Variants in PCDHA9 observed in about 807,000 individuals in gnomAD.
PCDHA9 encodes the protein protocadherin alpha 9.
A neutral mutation model predicts 62.0 loss-of-function variants in PCDHA9; 62 were observed. The observed-to-expected ratio is 1.00, with a 90% CI of 0.81 to 1.23. The LOEUF (loss-of-function observed/expected upper bound fraction) is 1.23, where lower values mean the gene tolerates loss of function less well. Ranked by LOEUF, PCDHA9 falls within the 50% of genes most tolerant of loss-of-function variation. The probability of loss-of-function intolerance (pLI) is 0.00; values close to 1 mark genes in which losing one functional copy is unlikely to be tolerated. For synonymous variants in PCDHA9, 557 were observed against 567.6 expected (o/e 0.98, Z 0.27); for missense variants, 1,205 against 1,249.8 (o/e 0.96, Z 0.54).
At chr5:140,987,227 A>T (rs1410526870) in intron 3 of PCDHA9, among the ~76,000 whole-genome samples, 2 of 151,696 alleles carry the variant, frequency 1.3e-5, no homozygotes, top group African/African-American at 4.8e-5. Context: ...AAAAAAAAAA[A>T]TAATAAATAA....
At chr5:140,888,048 A>G (rs534072281) in intron 1 of PCDHA9, among the ~76,000 whole-genome samples, 40 of 152,296 alleles carry the variant, frequency 2.6e-4, no homozygotes, top group African/African-American at 9.4e-4. Context: ...TGTATAATAG[A>G]TGTTTTAACT....
In PCDHA9 at chr5:140,982,645, G is replaced by A. The variant is rs2096993238; in HGVS notation, c.2542+82G>A. 3.3e-6 allele frequency: 5 copies of A among 1,522,444 alleles called. No homozygotes were observed. In the East Asian group the frequency reaches 1.2e-4, roughly 36 times the overall value. 94.3% of individuals were successfully genotyped at this position (1,522,444 alleles called of 1,614,324 possible). A position where few individuals can be genotyped will look rare whatever the true frequency, so the allele number is the denominator to read the frequency against. On this transcript the variant is annotated intron_variant, in intron 3 of 3. Transcript: ENST00000532602. ...CTACTTTTGTAAGATCAGGAATGTT[G>A]ATGGCTCTTTTTCTTTTATATTTTT...
rs186566632 is a variant in PCDHA9, at chr5:140,947,652, T to C, written c.2395-31297T>C. 6.7e-3 allele frequency among the ~76,000 whole-genome samples: 1,010 copies of C among 151,752 alleles called. 2 individuals are homozygous for C. Among genetic ancestry groups the C allele is most frequent in the Non-Finnish European group, 0.01 (702 of 67,572 alleles). On this transcript the variant is annotated intron_variant, in intron 1 of 3. Transcript: ENST00000532602. ...ATCAGATCGTATGAACATATATACCTCCATTTACTTGGGTCTTTAAAAAAT... is the reference window on the plus strand; with the variant it reads ...ATCAGATCGTATGAACATATATACCCCCATTTACTTGGGTCTTTAAAAAAT...
chr5:140,988,156 C>A (rs546335543), intron 3 of PCDHA9, among the ~76,000 whole-genome samples: 1 of 152,054 alleles, frequency 6.6e-6, no homozygotes, highest in Non-Finnish European at 1.5e-5. Flanking sequence ...CAACTTCTGC[C>A]GTTGTCATAG....
chr5:140,870,493 AAGG>A, intron 1 of PCDHA9: 1 of 1,614,214 alleles, frequency 6.2e-7, no homozygotes, highest in Non-Finnish European at 8.5e-7. Context: ...CGTGTTCGTG[AAGG>A]AGAACAACCC....
rs2040496179 is a variant in PCDHA9, at chr5:140,848,601, CCG to C, written c.107_108del (p.Pro36ArgfsTer91). 1 of 1,593,502 alleles carries C rather than the reference CCG, an allele frequency of 6.3e-7. No homozygotes were observed. The highest frequency in any genetic ancestry group is 8.6e-7 in the Non-Finnish European group (1 of 1,163,996). On this transcript the variant is annotated frameshift_variant, in exon 1 of 4. Coordinates refer to ENST00000532602, the MANE Select transcript of PCDHA9 (RefSeq NM_031857.2). LOFTEE classifies it high-confidence loss of function. ...VGSGQLHYSV[P>X]EEAEHGTFVG... ...GAGCGGCCAGCTCCACTACTCCGTC[CCG>C]GAGGAAGCCGAACACGGCACCTTCG...
rs2150489798 is a variant in PCDHA9, at chr5:140,850,571, G to T, written c.2076G>T (p.Thr692=). 5 of 1,598,430 alleles carry T rather than the reference G, an allele frequency of 3.1e-6. No individual in the cohort carries two copies. In the East Asian group the frequency reaches 1.1e-4, roughly 36 times the overall value. ...TGGGTGCCACGGGCCCCGAGGTGAC[G>T]CTGGTGGATGTCAACGTGTACCTGA... The part of the protein sequence containing the change: ...ASVGATGPEV[T]LVDVNVYLII... The change falls in exon 1 of 4, where the codon ACG becomes ACT. Residue 692 remains threonine, a synonymous_variant. Coordinates refer to ENST00000532602, the MANE Select transcript of PCDHA9 (RefSeq NM_031857.2).
In PCDHA9 at chr5:141,009,994, C is replaced by T; in HGVS notation, c.*57C>T. 1.3e-6 allele frequency: 2 copies of T among 1,577,076 alleles called. No individual in the cohort carries two copies. Among genetic ancestry groups the T allele is most frequent in the South Asian group, 1.2e-5 (1 of 83,074 alleles). On this transcript the variant is annotated 3_prime_UTR_variant, in exon 4 of 4. Transcript: ENST00000532602. Reference sequence around the variant, plus strand: ...GTTTTTGTAATAATGGCAAATCTCTCCCATGTAGCAATTCCCTGCTCCTTT... The same window carrying T: ...GTTTTTGTAATAATGGCAAATCTCTTCCATGTAGCAATTCCCTGCTCCTTT...
intron 1 of PCDHA9, among the ~76,000 whole-genome samples, chr5:140,888,393 C>T (rs1554183447): frequency 1.3e-5 from 2 of 152,156 alleles, no homozygotes; most frequent in African/African-American, 4.8e-5. Context: ...CTGCTAAACA[C>T]CATCCAATTG....
At chr5:141,007,422 G>A (rs190866782) in intron 3 of PCDHA9, among the ~76,000 whole-genome samples, 22 of 143,640 alleles carry the variant, frequency 1.5e-4, no homozygotes, top group African/African-American at 4.9e-4. Context: ...AAAAAAATTA[G>A]CCAGGCATGG....
At chr5:140,935,520 G>A (rs1404556030) in intron 1 of PCDHA9, among the ~76,000 whole-genome samples, 1 of 152,154 alleles carries the variant, frequency 6.6e-6, no homozygotes, top group Non-Finnish European at 1.5e-5. Context: ...CAGTAGGCAT[G>A]TACAGTCAAA....
intron 1 of PCDHA9, chr5:140,863,140 C>T: frequency 1.6e-6 from 1 of 606,732 alleles, no homozygotes; most frequent in Non-Finnish European, 3.2e-6. Flanking sequence ...CCTGCTGGTG[C>T]TGGTGAAGGA....
intron 1 of PCDHA9, chr5:140,861,480 T>C (rs2046942458): frequency 4.1e-6 from 2 of 490,608 alleles, no homozygotes; most frequent in African/African-American, 2.0e-5. Flanking sequence ...GAATGGCATT[T>C]TTGTGAGTTC....
rs368334312 is a variant in PCDHA9 at position 140,876,999 on chromosome 5, G to A, written c.2394+26110G>A. The A allele has an allele frequency of 1.6e-5, 26 of 1,612,428 alleles. No homozygotes were observed. In the African/African-American group the frequency reaches 3.1e-4, roughly 19 times the overall value. ...AGCACGCACTGTCGAGCTACGTGTC[G>A]GTGCACGCGGAGAGCGGCAAGGTGT... On this transcript the variant is annotated intron_variant, in intron 1 of 3. Coordinates refer to ENST00000532602, the MANE Select transcript of PCDHA9 (RefSeq NM_031857.2).
intron 1 of PCDHA9, among the ~76,000 whole-genome samples, chr5:140,972,693 C>A (rs1358194667): frequency 2.3e-5 from 3 of 130,312 alleles, no homozygotes; most frequent in East Asian, 4.7e-4. Flanking sequence ...GAGATGGAGT[C>A]TCACTCTGTT....
chr5:140,952,471 A>AAAGT (rs1205705150), intron 1 of PCDHA9, among the ~76,000 whole-genome samples: 2 of 152,204 alleles, frequency 1.3e-5, no homozygotes, highest in Non-Finnish European at 2.9e-5. Context: ...AAGCATAAGG[A>AAAGT]AAGTGACATT....
At chr5:140,927,186 C>T in intron 1 of PCDHA9, 1 of 1,614,174 alleles carries the variant, frequency 6.2e-7, no homozygotes, top group East Asian at 2.2e-5. Context: ...TGACCTACGA[C>T]CTGGTGCTCG....
At chr5:140,963,128 T>A (rs1283011021) in intron 1 of PCDHA9, among the ~76,000 whole-genome samples, 1 of 152,144 alleles carries the variant, frequency 6.6e-6, no homozygotes, top group African/African-American at 2.4e-5. Context: ...AGAGATAATA[T>A]TAAATTATTT....
intron 1 of PCDHA9, chr5:140,867,710 G>A (rs2050114623): frequency 6.6e-6 from 1 of 151,674 alleles, no homozygotes; most frequent in Non-Finnish European, 1.5e-5. Context: ...AAATCCTAAG[G>A]GTATATGAAA....
Sources: gnomAD v4.1 joint callset for allele counts (sites outside exome capture counted in the v4.1 genomes callset) on GRCh38, gnomAD v4.1.1 for gene constraint, MANE v1.5 for transcripts, NCBI Gene and HGNC (gene_info 2026-07-23, HGNC 2026-07-21) for gene names.